ZIM3: variants seen among roughly 807,000 people sequenced by gnomAD.
ZIM3 encodes zinc finger protein 657.
In ZIM3, 11 loss-of-function variants were observed where a neutral mutation model predicts 12.9. The observed-to-expected ratio is 0.85, with a 90% CI of 0.54 to 1.41. The LOEUF (loss-of-function observed/expected upper bound fraction) is 1.41, where lower values mean the gene tolerates loss of function less well. ZIM3 is among the 40% of genes most tolerant of loss of function. The pLI, the probability that ZIM3 is intolerant of heterozygous loss-of-function variation, is 0.00. For missense variants in ZIM3, 604 were observed against 557.2 expected (o/e 1.08, Z -0.85); for synonymous variants, 205 against 198.5 (o/e 1.03, Z -0.28).
intron 2 of ZIM3, among the ~76,000 whole-genome samples, chr19:57,140,523 G>A (rs1438864430): frequency 6.6e-6 from 1 of 151,400 alleles, no homozygotes; most frequent in Non-Finnish European, 1.5e-5. Context: ...CACCCAGGCT[G>A]GAGTACAGTG....
At chr19:57,143,594 T>C (rs1462989327) in intron 1 of ZIM3, among the ~76,000 whole-genome samples, 1 of 151,922 alleles carries the variant, frequency 6.6e-6, no homozygotes, top group African/African-American at 2.4e-5. Flanking sequence ...GCGTAGATTT[T>C]GGCCACGCGT....
chr19:57,136,219 A>G, intron 4 of ZIM3, 124 bp from the exon 5 acceptor site: 3 of 843,642 alleles, frequency 3.6e-6, no homozygotes, highest in East Asian at 5.0e-5. Flanking sequence ...ACGAGAAACC[A>G]AAGTTAATAT....
chr19:57,142,820 A>C (rs1265801327), intron 1 of ZIM3, 135 bp from the exon 2 acceptor site: 1 of 605,826 alleles, frequency 1.7e-6, no homozygotes, highest in African/African-American at 1.9e-5. Context: ...CTTGTACCTC[A>C]GTGATCCCCT....
chr19:57,136,873 C>T lies in ZIM3; in HGVS notation c.241G>A (p.Glu81Lys). 6.2e-7 allele frequency: 1 copy of T among 1,614,040 alleles called. No individual in the cohort carries two copies. The highest frequency in any genetic ancestry group is 8.5e-7 in the Non-Finnish European group (1 of 1,179,948). Residue 81 changes from glutamate to lysine, a missense_variant and splice_region_variant, in exon 4 of 5, where the codon GAA becomes AAA. Coordinates refer to ENST00000269834, the MANE Select transcript of ZIM3 (RefSeq NM_052882.1). ...EEEVLGSGRAEKNGDIGGQIW... is the reference protein window; with the variant it reads ...EEEVLGSGRAKKNGDIGGQIW... ...CCACAGTGCTCTCCTGGTCACCTACCTGCACGGCCACTTCCCAGCACTTCC... is the reference window on the plus strand; with the variant it reads ...CCACAGTGCTCTCCTGGTCACCTACTTGCACGGCCACTTCCCAGCACTTCC...
At chr19:57,144,460 T>C (rs527932641) in intron 1 of ZIM3, among the ~76,000 whole-genome samples, 33 of 147,174 alleles carry the variant, frequency 2.2e-4, no homozygotes, top group Middle Eastern at 3.4e-3. Flanking sequence ...AAAAAATATA[T>C]ATAATTTTAA....
chr19:57,140,884 T>C (rs537128415), intron 2 of ZIM3, among the ~76,000 whole-genome samples: 2 of 152,334 alleles, frequency 1.3e-5, no homozygotes, highest in East Asian at 3.9e-4. Flanking sequence ...CTTTCAGCTA[T>C]CCATAATTTA....
At chr19:57,136,662 G>GAA (rs373039440) in intron 4 of ZIM3, among the ~76,000 whole-genome samples, 12 of 43,736 alleles carry the variant, frequency 2.7e-4, no homozygotes, top group Middle Eastern at 0.013. Context: ...TCCGTTTCCA[G>GAA]AAAAAAAAAA....
In ZIM3 at chr19:57,137,930, G is replaced by GGAAA. The variant is rs2086895119; in HGVS notation, c.142+541_142+542insTTTC. Reference sequence around the variant, plus strand: ...AGGAAGGAAGGAAGGAAAGAAGGAAGGAAGGAAGGAAGGAAGGAAAGAAGG... The same window carrying GGAAA: ...AGGAAGGAAGGAAGGAAAGAAGGAAGGAAAGAAGGAAGGAAGGAAGGAAAGAAGG... On this transcript the variant is annotated intron_variant, in intron 3 of 4. Coordinates refer to ENST00000269834, the MANE Select transcript of ZIM3 (RefSeq NM_052882.1). Among the ~76,000 whole-genome samples, 5 of 43,634 alleles carry GGAAA rather than the reference G, an allele frequency of 1.1e-4. 1 individual carries two copies. Among genetic ancestry groups the GGAAA allele is most frequent in the African/African-American group, 4.4e-4 (4 of 9,016 alleles). 28.6% of individuals were successfully genotyped at this position (43,634 alleles called of 152,430 possible).
chr19:57,137,100 G>A, intron 3 of ZIM3, 129 bp from the exon 4 acceptor site: 1 of 848,678 alleles, frequency 1.2e-6, no homozygotes, highest in Non-Finnish European at 2.0e-6. Context: ...GCATTTATAT[G>A]TCAGTGTGTG....
intron 2 of ZIM3, among the ~76,000 whole-genome samples, chr19:57,139,767 C>T (rs1196058790): frequency 6.6e-6 from 1 of 152,108 alleles, no homozygotes; most frequent in Non-Finnish European, 1.5e-5. Flanking sequence ...CCAATAGCCC[C>T]CTAATTCTTC....
chr19:57,143,547 G>C (rs995923900), intron 1 of ZIM3, among the ~76,000 whole-genome samples: 1 of 152,074 alleles, frequency 6.6e-6, no homozygotes, highest in African/African-American at 2.4e-5. Context: ...TTTGCCATAA[G>C]CGGGACAGCT....
At chr19:57,137,850 G>GGAAA (rs1196445097) in intron 3 of ZIM3, among the ~76,000 whole-genome samples, 648 of 22,792 alleles carry the variant, frequency 0.028, 176 homozygotes, top group East Asian at 0.17. Flanking sequence ...AAGGAAGGAA[G>GGAAA]GAAGGAAGGA....
chr19:57,135,057 G>A lies in ZIM3; in HGVS notation c.1280C>T (p.Thr427Ile). The A allele has an allele frequency of 6.2e-7, 1 of 1,614,042 alleles. No individual in the cohort carries two copies. Among genetic ancestry groups the A allele is most frequent in the East Asian group, 2.2e-5 (1 of 44,870 alleles). The change falls in exon 5 of 5, where the codon ACC becomes ATC. Residue 427 changes from threonine to isoleucine, a missense_variant. Transcript: ENST00000269834. ...ACTAAGGTTTAATTTCCGGATGAAG[G>A]TTTTTCCACATTCACTACATCTATA... ...RTYRCSECGK[T>I]FIRKLNLSLH... is the part of the protein sequence containing the mutation.
In ZIM3 at chr19:57,135,057, G is replaced by T; in HGVS notation, c.1280C>A (p.Thr427Asn). ...ACTAAGGTTTAATTTCCGGATGAAG[G>T]TTTTTCCACATTCACTACATCTATA... ...RTYRCSECGKTFIRKLNLSLH... is the reference protein window; with the variant it reads ...RTYRCSECGKNFIRKLNLSLH... The change falls in exon 5 of 5, where the codon ACC (threonine) becomes AAC (asparagine). Residue 427 changes from threonine (T) to asparagine (N), a missense_variant. Thr to Asn is a moderately conservative substitution (Grantham distance 65). Transcript: ENST00000269834. 1 of 1,614,042 alleles carries T rather than the reference G, an allele frequency of 6.2e-7. No homozygotes were observed. Among genetic ancestry groups the T allele is most frequent in the African/African-American group, 1.3e-5 (1 of 74,986 alleles).
In ZIM3 at chr19:57,135,393, G is replaced by A. The variant is rs773119512; in HGVS notation, c.944C>T (p.Ala315Val). Residue 315 changes from alanine (A) to valine (V), a missense_variant, in exon 5 of 5, where the codon GCT (alanine) becomes GTT (valine). By Grantham distance (64) the Ala-to-Val change is moderately conservative. Coordinates refer to ENST00000269834, the MANE Select transcript of ZIM3 (RefSeq NM_052882.1). ...KPFQCTDCGK[A>V]FIYKSDLVKH... is the part of the protein sequence containing the mutation. Reference sequence around the variant, plus strand: ...CACAAGATCTGACTTGTAAATGAAAGCCTTTCCACAGTCCGTACATTGAAA... The same window carrying A: ...CACAAGATCTGACTTGTAAATGAAAACCTTTCCACAGTCCGTACATTGAAA... The A allele has an allele frequency of 1.2e-6, 2 of 1,613,940 alleles. No individual in the cohort carries two copies. The highest frequency in any genetic ancestry group is 1.7e-6 in the Non-Finnish European group (2 of 1,179,908).
intron 2 of ZIM3, among the ~76,000 whole-genome samples, chr19:57,141,052 T>C (rs1373217045): frequency 6.6e-6 from 1 of 152,128 alleles, no homozygotes; most frequent in Non-Finnish European, 1.5e-5. Flanking sequence ...CATGACACTG[T>C]TACATCTCAG....
intron 1 of ZIM3, among the ~76,000 whole-genome samples, chr19:57,143,287 C>A (rs1223506341): frequency 3.3e-5 from 5 of 150,796 alleles, no homozygotes; most frequent in African/African-American, 1.2e-4. Context: ...GCCGAGATCG[C>A]GCCACCGCAC....
intron 1 of ZIM3, among the ~76,000 whole-genome samples, chr19:57,143,345 A>C (rs71333230): frequency 8.0e-6 from 1 of 124,694 alleles, no homozygotes; most frequent in Non-Finnish European, 1.6e-5. Context: ...AAAAAAAAAA[A>C]GAGAGAGAGA....
chr19:57,143,345 A>AAAG (rs1555756674), intron 1 of ZIM3, among the ~76,000 whole-genome samples: 1 of 124,692 alleles, frequency 8.0e-6, no homozygotes. Context: ...AAAAAAAAAA[A>AAAG]GAGAGAGAGA....
Sources: gnomAD v4.1 joint callset for allele counts (sites outside exome capture counted in the v4.1 genomes callset) on GRCh38, gnomAD v4.1.1 for gene constraint, MANE v1.5 for transcripts, NCBI Gene and HGNC (gene_info 2026-07-23, HGNC 2026-07-21) for gene names.